The following NKAIN2 variants were observed in gnomAD, a reference collection of about 807,000 sequenced individuals.
The protein encoded by NKAIN2 is sodium/potassium transporting ATPase interacting 2.
A neutral mutation model predicts 32.6 loss-of-function variants in NKAIN2; 14 were observed. That is an observed-to-expected ratio of 0.43 (90% CI 0.28 to 0.67). The LOEUF is 0.67. Ranked by LOEUF, NKAIN2 falls within the 30% of genes least tolerant of loss-of-function variation. The probability of loss-of-function intolerance (pLI) is 0.17; values close to 1 mark genes in which losing one functional copy is unlikely to be tolerated. For missense variants in NKAIN2, 198 were observed against 258.3 expected (o/e 0.77, Z 1.60); for synonymous variants, 80 against 87.2 (o/e 0.92, Z 0.46).
At chr6:124,246,943 G>T (rs1793440165) in intron 1 of NKAIN2, among the ~76,000 whole-genome samples, 1 of 152,048 alleles carries the variant, frequency 6.6e-6, no homozygotes, top group African/African-American at 2.4e-5. Context: ...TTACAGGACG[G>T]TATGCCTTTT....
At chr6:123,906,190 G>A (rs1048363831) in intron 1 of NKAIN2, among the ~76,000 whole-genome samples, 20 of 152,076 alleles carry the variant, frequency 1.3e-4, no homozygotes, top group African/African-American at 4.8e-4. Flanking sequence ...AATTTGTTTG[G>A]CCTTTGCATA....
At chr6:124,488,928 G>A (rs1025738256) in intron 3 of NKAIN2, among the ~76,000 whole-genome samples, 2 of 151,808 alleles carry the variant, frequency 1.3e-5, no homozygotes, top group Non-Finnish European at 2.9e-5. Flanking sequence ...AGAGGTATTA[G>A]TCATTTGATC....
At chr6:124,480,644 A>T (rs1184050764) in intron 3 of NKAIN2, among the ~76,000 whole-genome samples, 2 of 151,778 alleles carry the variant, frequency 1.3e-5, no homozygotes, top group African/African-American at 4.8e-5. Context: ...TTTTATTATT[A>T]GCTTTACTAG....
At chr6:123,972,456 A>G (rs140947601) in intron 1 of NKAIN2, among the ~76,000 whole-genome samples, 18 of 152,326 alleles carry the variant, frequency 1.2e-4, no homozygotes, top group African/African-American at 4.3e-4. Context: ...TTACTGAGAA[A>G]ACTGGAGATA....
At chr6:124,366,085 A>G (rs1335162380) in intron 3 of NKAIN2, among the ~76,000 whole-genome samples, 1 of 152,146 alleles carries the variant, frequency 6.6e-6, no homozygotes, top group Non-Finnish European at 1.5e-5. Context: ...TAGTGAAAGA[A>G]CAACAAATGA....
chr6:124,348,520 A>T (rs1798553976), intron 2 of NKAIN2, among the ~76,000 whole-genome samples: 2 of 152,170 alleles, frequency 1.3e-5, no homozygotes, highest in Non-Finnish European at 2.9e-5. Flanking sequence ...TTGTTTACCT[A>T]ATCAAGCCTG....
intron 1 of NKAIN2, among the ~76,000 whole-genome samples, chr6:124,241,856 A>G (rs1793117260): frequency 1.3e-5 from 2 of 152,136 alleles, no homozygotes; most frequent in South Asian, 2.1e-4. Flanking sequence ...ATATGACAGA[A>G]AACTGAAACT....
chr6:124,417,693 C>T (rs894006037), intron 3 of NKAIN2, among the ~76,000 whole-genome samples: 11 of 152,242 alleles, frequency 7.2e-5, no homozygotes, highest in Admixed American at 1.3e-4. Flanking sequence ...CTTTGTAGAA[C>T]TCATAGGCAT....
chr6:124,301,352 C>T (rs1284842584), intron 2 of NKAIN2, among the ~76,000 whole-genome samples: 2 of 152,182 alleles, frequency 1.3e-5, no homozygotes, highest in African/African-American at 4.8e-5. Context: ...GTAGAGGTGT[C>T]CTGCAGGCGC....
chr6:124,732,889 T>A (rs1562352853), intron 4 of NKAIN2, among the ~76,000 whole-genome samples: 1 of 152,046 alleles, frequency 6.6e-6, no homozygotes, highest in Non-Finnish European at 1.5e-5. Flanking sequence ...TATGTATGTC[T>A]TGTTCTTAAT....
intron 3 of NKAIN2, among the ~76,000 whole-genome samples, chr6:124,447,526 T>G (rs1206124819): frequency 6.6e-6 from 1 of 152,130 alleles, no homozygotes; most frequent in East Asian, 1.9e-4. Context: ...AACAAAGGAA[T>G]ACTCTGCTTG....
At chr6:124,510,347 A>G (rs1033749614) in intron 3 of NKAIN2, among the ~76,000 whole-genome samples, 7 of 152,102 alleles carry the variant, frequency 4.6e-5, no homozygotes, top group Non-Finnish European at 1.0e-4. Context: ...TAATTTGAGA[A>G]GATATTTGAC....
intron 3 of NKAIN2, among the ~76,000 whole-genome samples, chr6:124,511,851 C>G (rs541992487): frequency 1.3e-5 from 2 of 152,032 alleles, no homozygotes; most frequent in African/African-American, 4.8e-5. Context: ...CAGCTGAGTA[C>G]GATTAAAAGA....
intron 3 of NKAIN2, among the ~76,000 whole-genome samples, chr6:124,499,499 A>G (rs942022787): frequency 5.3e-5 from 8 of 152,170 alleles, no homozygotes; most frequent in African/African-American, 1.9e-4. Flanking sequence ...TGAAATAAAG[A>G]CCATATTATC....
At chr6:124,437,949 G>C in intron 3 of NKAIN2, 1 of 306,206 alleles carries the variant, frequency 3.3e-6, no homozygotes, top group South Asian at 2.3e-5. Flanking sequence ...GTTATTATTT[G>C]TACAATTTTA....
chr6:124,046,855 T>A (rs1002015883), intron 1 of NKAIN2, among the ~76,000 whole-genome samples: 3 of 151,878 alleles, frequency 2.0e-5, no homozygotes, highest in Admixed American at 2.0e-4. Flanking sequence ...CACAAAGAAA[T>A]ATAACTTTTC....
intron 3 of NKAIN2, among the ~76,000 whole-genome samples, chr6:124,506,896 A>G (rs890454775): frequency 6.6e-6 from 1 of 152,172 alleles, no homozygotes; most frequent in Non-Finnish European, 1.5e-5. Context: ...GTCTGTGTAG[A>G]TATCACCTGG....
chr6:123,881,138 C>T (rs1773434614), intron 1 of NKAIN2, among the ~76,000 whole-genome samples: 3 of 152,160 alleles, frequency 2.0e-5, no homozygotes, highest in Non-Finnish European at 2.9e-5. Context: ...TCTCCTGCTT[C>T]AGCCTCCCGA....
chr6:124,740,155 G>A (rs143813235), intron 4 of NKAIN2, among the ~76,000 whole-genome samples: 5 of 150,012 alleles, frequency 3.3e-5, no homozygotes, highest in Admixed American at 6.7e-5. Context: ...CCATCATCTC[G>A]CTACTGTGAC....
Sources: gnomAD v4.1 joint callset for allele counts (sites outside exome capture counted in the v4.1 genomes callset) on GRCh38, gnomAD v4.1.1 for gene constraint, MANE v1.5 for transcripts, NCBI Gene and HGNC (gene_info 2026-07-23, HGNC 2026-07-21) for gene names.